The following ZMYM2 variants were observed in gnomAD, a reference collection of about 807,000 sequenced individuals.
The protein encoded by ZMYM2 is zinc finger MYM-type protein 2.
Under a neutral mutation model 162.8 loss-of-function variants are expected in ZMYM2, and 56 were observed. The ratio of observed to expected loss-of-function variants is 0.34; its 90% CI spans 0.28 to 0.43. The LOEUF (loss-of-function observed/expected upper bound fraction) is 0.43. Ranked by LOEUF, ZMYM2 falls within the 20% of genes least tolerant of loss-of-function variation. The probability of loss-of-function intolerance (pLI) is 1.00; values close to 1 mark genes in which losing one functional copy is unlikely to be tolerated. For synonymous variants in ZMYM2, 510 were observed against 541.6 expected (o/e 0.94, Z 0.81); for missense variants, 1,275 against 1,621.8 (o/e 0.79, Z 3.67).
intron 21 of ZMYM2, among the ~76,000 whole-genome samples, chr13:20,077,966 C>T (rs149999982): frequency 0.056 from 8,500 of 151,616 alleles, 266 homozygotes; most frequent in Middle Eastern, 0.092. Flanking sequence ...TACAGGCGCC[C>T]GCCACCACGC....
intron 9 of ZMYM2, chr13:20,028,040 A>T (rs1184839118): frequency 3.3e-5 from 6 of 179,258 alleles, no homozygotes; most frequent in Admixed American, 3.2e-4. Flanking sequence ...GAGTTAATTC[A>T]TCCAACAATT....
the ZMYM2 span, among the ~76,000 whole-genome samples, chr13:19,914,337 A>G: frequency 6.6e-6 from 1 of 152,354 alleles, no homozygotes; most frequent in African/African-American, 2.4e-5. Flanking sequence ...TTCTCAAGCT[A>G]CTGCTGTTGT....
intron 12 of ZMYM2, among the ~76,000 whole-genome samples, chr13:20,050,645 T>C (rs1009593509): frequency 5.9e-5 from 9 of 152,092 alleles, no homozygotes; most frequent in African/African-American, 2.2e-4. Context: ...CGTTAAGAAA[T>C]AGTGAAAATG....
the ZMYM2 span, among the ~76,000 whole-genome samples, chr13:19,905,867 A>T: frequency 3.3e-5 from 5 of 152,176 alleles, no homozygotes; most frequent in Non-Finnish European, 7.3e-5. Context: ...TGGGCTGGGC[A>T]TGGCGGCTCA....
the ZMYM2 span, among the ~76,000 whole-genome samples, chr13:19,916,157 A>G: frequency 6.6e-6 from 1 of 151,952 alleles, no homozygotes; most frequent in Non-Finnish European, 1.5e-5. Flanking sequence ...CACCGCACCC[A>G]CCCGAGATAA....
the ZMYM2 span, among the ~76,000 whole-genome samples, chr13:19,918,359 C>T: frequency 8.6e-5 from 13 of 151,676 alleles, no homozygotes; most frequent in East Asian, 2.0e-4. Flanking sequence ...GCAGGAGAAT[C>T]GCTTGAGCCT....
At chr13:20,006,094 G>A (rs535712575) in intron 5 of ZMYM2, among the ~76,000 whole-genome samples, 13 of 152,100 alleles carry the variant, frequency 8.5e-5, no homozygotes, top group East Asian at 3.9e-4. Flanking sequence ...TTAGTTAGGC[G>A]TGGTTGTGTG....
At chr13:19,926,588 T>C in the ZMYM2 span, among the ~76,000 whole-genome samples, 2 of 152,106 alleles carry the variant, frequency 1.3e-5, no homozygotes, top group Non-Finnish European at 2.9e-5. Context: ...GGTCTTGAAC[T>C]CCTGTCCTCA....
chr13:20,026,787 T>TAA, intron 8 of ZMYM2, 25 bp downstream of exon 8: 1 of 1,562,204 alleles, frequency 6.4e-7, no homozygotes, highest in Non-Finnish European at 8.6e-7. Flanking sequence ...TTTGGACAGT[T>TAA]AAAAAAACTT....
At chr13:20,064,681 T>C (rs1956533451) in intron 19 of ZMYM2, 136 bp downstream of exon 19, 2 of 362,932 alleles carry the variant, frequency 5.5e-6, no homozygotes, top group African/African-American at 4.3e-5. Context: ...TCTATTTATA[T>C]AGAATATAGT....
At chr13:19,961,170 T>C (rs150013348) in intron 2 of ZMYM2, among the ~76,000 whole-genome samples, 1 of 151,854 alleles carries the variant, frequency 6.6e-6, no homozygotes, top group Non-Finnish European at 1.5e-5. Context: ...CTAGTAAGAA[T>C]AGTGTACTGA....
At chr13:19,915,737 T>C in the ZMYM2 span, among the ~76,000 whole-genome samples, 105,289 of 151,666 alleles carry the variant, frequency 0.69, 38,011 homozygotes, top group East Asian at 0.84. Context: ...CTCCTGACCT[T>C]AAGTGATCCA....
chr13:19,915,784 A>G, the ZMYM2 span, among the ~76,000 whole-genome samples: 1 of 151,928 alleles, frequency 6.6e-6, no homozygotes, highest in Non-Finnish European at 1.5e-5. Flanking sequence ...GATTACAGGC[A>G]TGAGCCACTG....
chr13:20,080,025 C>A (rs555530956), intron 21 of ZMYM2, among the ~76,000 whole-genome samples: 1 of 152,240 alleles, frequency 6.6e-6, no homozygotes, highest in East Asian at 1.9e-4. Context: ...AGAAACAATG[C>A]AAAAGTTTAT....
At chr13:19,942,989 A>C in the ZMYM2 span, among the ~76,000 whole-genome samples, 2 of 152,164 alleles carry the variant, frequency 1.3e-5, no homozygotes, top group South Asian at 4.1e-4. Context: ...CGGGTGGCTT[A>C]AAACAGCACA....
Position 20,066,891 on chromosome 13 carries a change from A to T in ZMYM2, c.3173A>T (p.Asp1058Val). The T allele has an allele frequency of 6.2e-7, 1 of 1,611,766 alleles. No homozygotes were observed. The highest frequency in any genetic ancestry group is 8.5e-7 in the Non-Finnish European group (1 of 1,178,860). Reference protein sequence around the residue: ...RKAVSGYQSHDDSSDNSECSF... With the variant: ...RKAVSGYQSHVDSSDNSECSF... ...GCTGTATCAGGATACCAGTCTCATG[A>T]TGATAGTTCTGACAATTCAGAATGC... The change falls in exon 20 of 25, where the codon GAT becomes GTT. Residue 1058 changes from aspartate to valine, a missense_variant. This residue lies in a region of ZMYM2 where 229 missense variants were observed against 283.8 expected (regional missense o/e 0.81). Coordinates refer to ENST00000610343, the MANE Select transcript of ZMYM2 (RefSeq NM_197968.4).
chr13:19,924,970 G>A, the ZMYM2 span, among the ~76,000 whole-genome samples: 4 of 149,978 alleles, frequency 2.7e-5, no homozygotes, highest in African/African-American at 9.8e-5. Flanking sequence ...CTGCAACCTC[G>A]GCCTCCCAGG....
At chr13:19,978,263 A>C (rs569293913) in intron 2 of ZMYM2, among the ~76,000 whole-genome samples, 31 of 152,330 alleles carry the variant, frequency 2.0e-4, no homozygotes, top group African/African-American at 7.0e-4. Context: ...ACAGAAGACT[A>C]AATTTATAAT....
Position 19,971,335 on chromosome 13 carries a change from A to G in ZMYM2, c.-11+11309A>G, listed in dbSNP as rs1453362445. Among the ~76,000 whole-genome samples the G allele has an allele frequency of 2.3e-5, 3 of 130,536 alleles. No homozygotes were observed. In the East Asian group the frequency reaches 6.9e-4, roughly 30 times the overall value. The allele number at this position is 130,536 out of a possible 152,430, so 85.6% of individuals were successfully genotyped here. On this transcript the variant is annotated intron_variant, in intron 2 of 24. Coordinates refer to ENST00000610343, the MANE Select transcript of ZMYM2 (RefSeq NM_197968.4). ...GCCCAGGCTGGAGTACAGTGGTGTG[A>G]TCTCGGCTCACCACCACCTCTGCCT...
Sources: allele counts gnomAD v4.1 joint callset (sites outside exome capture counted in the v4.1 genomes callset), GRCh38; gene constraint gnomAD v4.1.1; regional missense constraint gnomAD v4.1.1; transcripts MANE v1.5; gene names NCBI Gene and HGNC (gene_info 2026-07-23, HGNC 2026-07-21).